The following HPSE2 variants were observed in gnomAD, a reference collection of about 807,000 sequenced individuals.
The protein encoded by HPSE2 is inactive heparanase-2.
A neutral mutation model predicts 60.5 loss-of-function variants in HPSE2; 38 were observed. The ratio of observed to expected loss-of-function variants is 0.63; its 90% CI spans 0.48 to 0.82. The LOEUF (loss-of-function observed/expected upper bound fraction) is 0.82. Ranked by LOEUF, HPSE2 falls within the 40% of genes least tolerant of loss-of-function variation. The pLI is 0.00. For synonymous variants in HPSE2, 295 were observed against 293.2 expected (o/e 1.01, Z -0.06); for missense variants, 713 against 740.4 (o/e 0.96, Z 0.43).
intron 3 of HPSE2, among the ~76,000 whole-genome samples, chr10:98,896,243 C>G (rs1334766406): frequency 6.6e-6 from 1 of 151,846 alleles, no homozygotes; most frequent in Non-Finnish European, 1.5e-5. Context: ...CAAAGTCAAA[C>G]CCAGGAGGAA....
chr10:99,247,625 C>T, the HPSE2 span, among the ~76,000 whole-genome samples: 1 of 152,138 alleles, frequency 6.6e-6, no homozygotes, highest in Non-Finnish European at 1.5e-5. Flanking sequence ...AAAAATGAGA[C>T]CAATCCATCT....
intron 3 of HPSE2, among the ~76,000 whole-genome samples, chr10:98,980,992 T>C (rs953536273): frequency 2.0e-5 from 3 of 152,142 alleles, no homozygotes; most frequent in African/African-American, 7.2e-5. Context: ...TTCTCACAAT[T>C]TTAGTAGCTA....
At chr10:98,577,914 G>A (rs1422813994) in intron 9 of HPSE2, among the ~76,000 whole-genome samples, 1 of 152,092 alleles carries the variant, frequency 6.6e-6, no homozygotes, top group Admixed American at 6.6e-5. Context: ...GCATCCTAGG[G>A]TTAAGAAACC....
intron 4 of HPSE2, among the ~76,000 whole-genome samples, chr10:98,725,398 C>T (rs1393003848): frequency 6.6e-6 from 1 of 152,172 alleles, no homozygotes; most frequent in African/African-American, 2.4e-5. Flanking sequence ...AAAGGATTCC[C>T]TATTTAATAA....
intron 3 of HPSE2, among the ~76,000 whole-genome samples, chr10:98,889,863 T>C (rs1261369027): frequency 6.6e-6 from 1 of 152,128 alleles, no homozygotes; most frequent in Non-Finnish European, 1.5e-5. Context: ...TAACCCTTTC[T>C]AAGGTTCATA....
At chr10:98,780,540 G>A (rs1323734068) in intron 3 of HPSE2, among the ~76,000 whole-genome samples, 2 of 152,070 alleles carry the variant, frequency 1.3e-5, no homozygotes, top group South Asian at 2.1e-4. Context: ...TTTTGTTTGA[G>A]AACTTTCATT....
rs1941587707 is a variant in HPSE2, at chr10:98,490,098, C to T, written c.1419G>A (p.Val473=). 1 of 1,614,234 alleles carries T rather than the reference C, an allele frequency of 6.2e-7. No individual in the cohort carries two copies. The highest frequency in any genetic ancestry group is 8.5e-7 in the Non-Finnish European group (1 of 1,180,044). Residue 473 remains valine (V), a synonymous_variant, in exon 10 of 12, where the codon GTG becomes GTA. Coordinates refer to ENST00000370552, the MANE Select transcript of HPSE2 (RefSeq NM_021828.5). The stretch of plus-strand genomic sequence containing the variant: ...CATAAATCCTTAGTTTGTCCCGGAT[C>T]ACTCGGCCAGGCCGTGGCTTCCGCT... ...GLQRKPRPGR[V]IRDKLRIYAH...
chr10:98,900,743 A>C (rs1017010810), intron 3 of HPSE2, among the ~76,000 whole-genome samples: 6 of 152,210 alleles, frequency 3.9e-5, no homozygotes, highest in African/African-American at 1.4e-4. Context: ...TGGAAAAATC[A>C]AATCTCTCAT....
chr10:99,281,334 A>G, the HPSE2 span, among the ~76,000 whole-genome samples: 3 of 120,188 alleles, frequency 2.5e-5, no homozygotes, highest in African/African-American at 9.9e-5. Context: ...TAATTACTAT[A>G]TTTAATAAAG....
At chr10:98,746,083 T>C (rs556338267) in intron 3 of HPSE2, among the ~76,000 whole-genome samples, 1 of 149,818 alleles carries the variant, frequency 6.7e-6, no homozygotes, top group Admixed American at 6.7e-5. Context: ...TTCTGTCAAC[T>C]TATATCATAC....
chr10:98,737,475 T>A lies in HPSE2; in HGVS notation c.784+6408A>T, dbSNP rs995751571. ...TATCTGGGCCAGCAAGCACTATCCA[T>A]CACAGCATAGTCCCTCATGGCTTCT... On this transcript the variant is annotated intron_variant, in intron 4 of 11. Coordinates refer to ENST00000370552, the MANE Select transcript of HPSE2 (RefSeq NM_021828.5). Among the ~76,000 whole-genome samples the A allele has an allele frequency of 4.2e-5, 4 of 95,056 alleles. 1 individual carries two copies. Among genetic ancestry groups the A allele is most frequent in the Non-Finnish European group, 8.8e-5 (4 of 45,338 alleles). 62.4% of individuals were successfully genotyped at this position (95,056 alleles called of 152,430 possible). A position where few individuals can be genotyped will look rare whatever the true frequency, so the allele number is the denominator to read the frequency against.
intron 3 of HPSE2, among the ~76,000 whole-genome samples, chr10:98,929,202 A>C (rs1255469501): frequency 7.0e-6 from 1 of 142,994 alleles, no homozygotes; most frequent in South Asian, 2.1e-4. Flanking sequence ...CCAGAAGCAC[A>C]CACCACTGTC....
intron 9 of HPSE2, among the ~76,000 whole-genome samples, chr10:98,501,816 A>G (rs556866344): frequency 6.6e-6 from 1 of 152,310 alleles, no homozygotes; most frequent in South Asian, 2.1e-4. Flanking sequence ...CCTCCAAGAA[A>G]GCTCCTAGAA....
At chr10:99,103,514 C>T (rs1844102659) in intron 3 of HPSE2, among the ~76,000 whole-genome samples, 1 of 152,150 alleles carries the variant, frequency 6.6e-6, no homozygotes, top group African/African-American at 2.4e-5. Context: ...ACATTCCATG[C>T]TCATGGGTAG....
At position 98,645,687 on chromosome 10, in the gene HPSE2, C is replaced by T. The variant is rs1425591528; in HGVS notation, c.1005-3747G>A. Among the ~76,000 whole-genome samples, 4 of 152,066 alleles carry T rather than the reference C, an allele frequency of 2.6e-5. No homozygotes were observed. In the East Asian group the frequency reaches 7.7e-4, roughly 29 times the overall value. On this transcript the variant is annotated intron_variant, in intron 6 of 11. Transcript: ENST00000370552. The stretch of plus-strand genomic sequence containing the variant: ...CTTTTAAGAGAGGGGATCATTTAAC[C>T]ATAGGGTATGGCCAGGCGTGGTGGC...
At chr10:98,745,312 T>C (rs1002351002) in intron 3 of HPSE2, among the ~76,000 whole-genome samples, 1 of 152,238 alleles carries the variant, frequency 6.6e-6, no homozygotes, top group African/African-American at 2.4e-5. Flanking sequence ...TTCATTTCTA[T>C]TGCCACCATT....
chr10:99,120,835 A>T (rs2135710573), intron 3 of HPSE2, among the ~76,000 whole-genome samples: 1 of 152,324 alleles, frequency 6.6e-6, no homozygotes, highest in East Asian at 1.9e-4. Flanking sequence ...GCAGAGAAAA[A>T]GGAATGCTTA....
At chr10:98,669,026 A>G (rs1947441516) in intron 6 of HPSE2, among the ~76,000 whole-genome samples, 1 of 152,232 alleles carries the variant, frequency 6.6e-6, no homozygotes, top group South Asian at 2.1e-4. Flanking sequence ...TCTATAAGGA[A>G]CTTAAATAAA....
chr10:98,539,893 G>A (rs1465920907), intron 9 of HPSE2, among the ~76,000 whole-genome samples: 8 of 152,098 alleles, frequency 5.3e-5, no homozygotes, highest in African/African-American at 7.2e-5. Context: ...TCTGCTATTC[G>A]CCCTGCACCC....
Sources: gnomAD v4.1 joint callset for allele counts (sites outside exome capture counted in the v4.1 genomes callset) on GRCh38, gnomAD v4.1.1 for gene constraint, MANE v1.5 for transcripts, NCBI Gene and HGNC (gene_info 2026-07-23, HGNC 2026-07-21) for gene names.